Variants in PRPSAP2 observed in about 807,000 individuals in gnomAD.
The protein encoded by PRPSAP2 is phosphoribosyl pyrophosphate synthase-associated protein 2.
In PRPSAP2, 24 loss-of-function variants were observed where a neutral mutation model predicts 40.6. The ratio of observed to expected loss-of-function variants is 0.59; its 90% CI spans 0.43 to 0.83. PRPSAP2 has a LOEUF of 0.83. Among genes scored for constraint, PRPSAP2 ranks in the 40% least tolerant of loss-of-function variants. The pLI, the probability that PRPSAP2 is intolerant of heterozygous loss-of-function variation, is 0.00. For missense variants in PRPSAP2, 292 were observed against 465.6 expected, an observed-to-expected ratio of 0.63 and a Z score of 3.43; for synonymous variants, 149 against 164.7, an observed-to-expected ratio of 0.90 and a Z score of 0.73.
At chr17:18,883,366 C>T (rs1486792449) in intron 7 of PRPSAP2, among the ~76,000 whole-genome samples, 3 of 149,262 alleles carry the variant, frequency 2.0e-5, no homozygotes, top group Non-Finnish European at 4.4e-5. Context: ...TTAATTTATA[C>T]TGTACTTAGC....
chr17:18,894,221 G>A (rs891762846), intron 8 of PRPSAP2, among the ~76,000 whole-genome samples: 7 of 151,256 alleles, frequency 4.6e-5, no homozygotes, highest in African/African-American at 1.5e-4. Flanking sequence ...ACAATGGCAC[G>A]ATCTCAGCTC....
At chr17:18,872,086 T>C (rs548444817) in intron 4 of PRPSAP2, among the ~76,000 whole-genome samples, 2 of 152,124 alleles carry the variant, frequency 1.3e-5, no homozygotes, top group Admixed American at 1.3e-4. Context: ...CTGGCTAACA[T>C]GGTGAAACCC....
intron 8 of PRPSAP2, among the ~76,000 whole-genome samples, chr17:18,901,260 T>C (rs2040249664): frequency 6.6e-6 from 1 of 152,194 alleles, no homozygotes; most frequent in South Asian, 2.1e-4. Flanking sequence ...TTTGGGTCGC[T>C]TCTTCTCCAG....
chr17:18,883,878 T>C (rs2038944450), intron 7 of PRPSAP2, among the ~76,000 whole-genome samples: 1 of 152,194 alleles, frequency 6.6e-6, no homozygotes, highest in Admixed American at 6.5e-5. Flanking sequence ...GCAATTGTTA[T>C]AAGTCCTTAT....
At chr17:18,892,735 T>TTATA (rs2039643184) in intron 8 of PRPSAP2, among the ~76,000 whole-genome samples, 1 of 48,384 alleles carries the variant, frequency 2.1e-5, no homozygotes, top group Non-Finnish European at 5.5e-5. Flanking sequence ...GTGTATTTAT[T>TTATA]TATTTATTTA....
chr17:18,924,034 T>TGTTG (rs765373153), intron 10 of PRPSAP2, 50 bp downstream of exon 10: 1 of 1,520,980 alleles, frequency 6.6e-7, no homozygotes, highest in African/African-American at 1.4e-5. Flanking sequence ...ATTGTTATTC[T>TGTTG]GTTGATTGAT....
At chr17:18,889,504 C>G (rs560536224) in intron 7 of PRPSAP2, among the ~76,000 whole-genome samples, 2 of 152,194 alleles carry the variant, frequency 1.3e-5, no homozygotes, top group South Asian at 4.1e-4. Flanking sequence ...TATCCTTGTA[C>G]TTTGAAATTA....
At chr17:18,861,464 T>TA (rs5819659) in intron 1 of PRPSAP2, 74,150 of 138,672 alleles carry the variant, frequency 0.53, 19,479 homozygotes, top group Middle Eastern at 0.61. Context: ...AACTCCATCT[T>TA]AAAAAAAAAA....
At position 18,930,750 on chromosome 17, in the gene PRPSAP2, T is replaced by TG; in HGVS notation, c.*53dup. The TG allele has an allele frequency of 6.7e-7, 1 of 1,487,434 alleles. No individual in the cohort carries two copies. The highest frequency in any genetic ancestry group is 2.3e-5 in the East Asian group (1 of 43,592). 92.1% of individuals were successfully genotyped at this position (1,487,434 alleles called of 1,614,324 possible). ...GCCAAACTGGAAACATAAGAGTGAC[T>TG]GCTCGGTGGGATGGATTTCACAGGA... On this transcript the variant is annotated 3_prime_UTR_variant, in exon 12 of 12. Coordinates refer to ENST00000268835, the MANE Select transcript of PRPSAP2 (RefSeq NM_002767.4).
chr17:18,896,396 C>T (rs1320937536), intron 8 of PRPSAP2, among the ~76,000 whole-genome samples: 1 of 152,040 alleles, frequency 6.6e-6, no homozygotes, highest in Admixed American at 6.6e-5. Context: ...TTGTGCATGT[C>T]TTCAATTCTC....
intron 9 of PRPSAP2, among the ~76,000 whole-genome samples, chr17:18,912,107 G>A (rs1319545635): frequency 3.3e-5 from 5 of 151,854 alleles, no homozygotes; most frequent in South Asian, 4.2e-4. Flanking sequence ...GCTTGAACCC[G>A]GGAGACAGAG....
At chr17:18,929,937 T>C (rs1365093876) in intron 11 of PRPSAP2, 1 of 152,160 alleles carries the variant, frequency 6.6e-6, no homozygotes, top group Non-Finnish European at 1.5e-5. Flanking sequence ...TGCCAGACTG[T>C]TTTTCAAAGC....
rs35684867 is a variant in PRPSAP2 at position 18,915,025 on chromosome 17, CT to C, written c.733+3791del. Among the ~76,000 whole-genome samples, 170 of 130,160 alleles carry C rather than the reference CT, an allele frequency of 1.3e-3. 1 individual carries two copies. Among genetic ancestry groups the C allele is most frequent in the Admixed American group, 4.3e-3 (54 of 12,414 alleles). 85.4% of individuals were successfully genotyped at this position (130,160 alleles called of 152,430 possible). A position where few individuals can be genotyped will look rare whatever the true frequency, so the allele number is the denominator to read the frequency against. ...ACAGACATGAACCACTGCACCCGAC[CT>C]TTTTTTTTTTTTTTTTGAGACAGTG... On this transcript the variant is annotated intron_variant, in intron 9 of 11. Coordinates refer to ENST00000268835, the MANE Select transcript of PRPSAP2 (RefSeq NM_002767.4).
rs1323264285 is a variant in PRPSAP2, at chr17:18,913,399, G to C, written c.733+2148G>C. 2.0e-5 allele frequency among the ~76,000 whole-genome samples: 3 copies of C among 152,018 alleles called. No homozygotes were observed. In the East Asian group the frequency reaches 5.8e-4, roughly 29 times the overall value. ...AGCTGGAGTGGGTAAGGAGTATTCT[G>C]GAATGTGGGAAGTGGAGCCTTGAAA... On this transcript the variant is annotated intron_variant, in intron 9 of 11. Coordinates refer to ENST00000268835, the MANE Select transcript of PRPSAP2 (RefSeq NM_002767.4).
chr17:18,902,869 CAAAAAAAAAAAA>C (rs58345106), intron 8 of PRPSAP2, among the ~76,000 whole-genome samples: 5 of 73,312 alleles, frequency 6.8e-5, no homozygotes, highest in African/African-American at 2.7e-4. Context: ...AACTCCATCT[CAAAAAAAAAAAA>C]AAAAAAAAAA....
intron 10 of PRPSAP2, chr17:18,928,539 C>T: frequency 2.3e-6 from 1 of 428,430 alleles, no homozygotes; most frequent in Non-Finnish European, 4.4e-6. Flanking sequence ...AGTTATGGTG[C>T]AGAAAACAGT....
At chr17:18,866,060 A>G (rs2037402277) in intron 3 of PRPSAP2, 108 bp downstream of exon 3, 2 of 761,634 alleles carry the variant, frequency 2.6e-6, no homozygotes, top group Non-Finnish European at 3.4e-6. Context: ...TTTTATAATT[A>G]TAAAATAATT....
chr17:18,890,124 A>G (rs925452174), intron 8 of PRPSAP2, among the ~76,000 whole-genome samples: 1 of 151,050 alleles, frequency 6.6e-6, no homozygotes, highest in African/African-American at 2.4e-5. Flanking sequence ...GTTATCTTCC[A>G]CTTACACTTT....
intron 1 of PRPSAP2, among the ~76,000 whole-genome samples, chr17:18,864,475 G>T (rs1221849181): frequency 2.0e-5 from 3 of 151,714 alleles, no homozygotes; most frequent in Non-Finnish European, 4.4e-5. Context: ...TGTATTTTTA[G>T]TAGAGACAGA....
Sources: allele counts gnomAD v4.1 joint callset (sites outside exome capture counted in the v4.1 genomes callset), GRCh38; gene constraint gnomAD v4.1.1; transcripts MANE v1.5; gene names NCBI Gene and HGNC (gene_info 2026-07-23, HGNC 2026-07-21).